Variants in DNAJC3 observed in about 807,000 individuals in gnomAD.
DNAJC3 encodes DnaJ heat shock protein family (Hsp40) member C3, also known as dnaJ homolog subfamily C member 3.
A neutral mutation model predicts 68.6 loss-of-function variants in DNAJC3; 38 were observed. That is an observed-to-expected ratio of 0.55 (90% CI 0.43 to 0.73). The LOEUF is 0.73. DNAJC3 is among the 30% of genes least tolerant of loss of function. DNAJC3 has a pLI of 0.00. For missense variants in DNAJC3, 526 were observed against 591.9 expected (o/e 0.89, Z 1.16); for synonymous variants, 203 against 204.0 (o/e 1.00, Z 0.04).
At chr13:95,717,829 C>G (rs1881201297) in intron 2 of DNAJC3, among the ~76,000 whole-genome samples, 1 of 152,176 alleles carries the variant, frequency 6.6e-6, no homozygotes, top group South Asian at 2.1e-4. Context: ...CATTAAACCT[C>G]TTTTTTTAAA....
intron 1 of DNAJC3, among the ~76,000 whole-genome samples, chr13:95,700,754 T>C (rs569531061): frequency 6.6e-6 from 1 of 152,328 alleles, no homozygotes; most frequent in Admixed American, 6.5e-5. Flanking sequence ...CCTGTTGATA[T>C]AAGTCATGTG....
chr13:95,735,171 T>C (rs1359733430), intron 4 of DNAJC3, among the ~76,000 whole-genome samples: 4 of 145,616 alleles, frequency 2.7e-5, no homozygotes, highest in Admixed American at 1.4e-4. Flanking sequence ...TATGGCTGCA[T>C]AGTATTCCAT....
chr13:95,760,778 A>C lies in DNAJC3; in HGVS notation c.828A>C (p.Glu276Asp). The C allele has an allele frequency of 6.2e-7, 1 of 1,612,076 alleles. No homozygotes were observed. Among genetic ancestry groups the C allele is most frequent in the Non-Finnish European group, 8.5e-7 (1 of 1,178,998 alleles). ...KKLNKLIESA[E>D]ELIRDGRYTD... ...TTAATAAGCTGATTGAGTCAGCTGA[A>C]GAGCTCATCAGAGATGGCAGGTGAG... The change falls in exon 7 of 12, where the codon GAA (glutamate) becomes GAC (aspartate). Residue 276 changes from glutamate (E) to aspartate (D), a missense_variant. By Grantham distance (45) the Glu-to-Asp change is conservative (BLOSUM62 2). Coordinates refer to ENST00000602402, the MANE Select transcript of DNAJC3 (RefSeq NM_006260.5).
At chr13:95,707,955 G>T (rs1880812970) in intron 1 of DNAJC3, among the ~76,000 whole-genome samples, 1 of 152,192 alleles carries the variant, frequency 6.6e-6, no homozygotes, top group African/African-American at 2.4e-5. Flanking sequence ...TGGTTAGCCT[G>T]TCTACGAAGG....
At chr13:95,724,155 C>T (rs996715991) in intron 3 of DNAJC3, among the ~76,000 whole-genome samples, 2 of 152,142 alleles carry the variant, frequency 1.3e-5, no homozygotes, top group African/African-American at 4.8e-5. Context: ...ATTTATCTTA[C>T]ACAGCTAAGC....
Position 95,760,026 on chromosome 13 carries a change from T to C in DNAJC3, c.547-14T>C. 6.4e-7 allele frequency: 1 copy of C among 1,561,272 alleles called. No homozygotes were observed. The highest frequency in any genetic ancestry group is 8.7e-7 in the Non-Finnish European group (1 of 1,154,724). ...TTTATTCTTTCTTAAAGTCTAGTTC[T>C]TTTGTTCCTCAAGGTTTGTGTTTGG... On this transcript the variant is annotated splice_polypyrimidine_tract_variant and intron_variant, in intron 5 of 11. Transcript: ENST00000602402.
intron 9 of DNAJC3, among the ~76,000 whole-genome samples, chr13:95,768,087 A>G (rs1018956174): frequency 2.0e-5 from 3 of 151,848 alleles, no homozygotes; most frequent in Non-Finnish European, 4.4e-5. Context: ...GTTTTGATTT[A>G]TATTTCCCTA....
chr13:95,685,630 A>C (rs1320477158), intron 1 of DNAJC3, among the ~76,000 whole-genome samples: 1 of 152,054 alleles, frequency 6.6e-6, no homozygotes, highest in Non-Finnish European at 1.5e-5. Context: ...GCCCCACCCA[A>C]ATCTTATGTT....
In DNAJC3 at chr13:95,704,851, G is replaced by GTTTTTTTTTTTTTTT. The variant is rs1193979630; in HGVS notation, c.83-4372_83-4358dup. 1.7e-3 allele frequency among the ~76,000 whole-genome samples: 163 copies of GTTTTTTTTTTTTTTT among 97,820 alleles called. 15 individuals carry two copies. The highest frequency in any genetic ancestry group is 3.4e-3 in the Admixed American group (34 of 9,920). The allele number at this position is 97,820 out of a possible 152,430, so 64.2% of individuals were successfully genotyped here. On this transcript the variant is annotated intron_variant, in intron 1 of 11. Transcript: ENST00000602402. ...AGAAAGGACTAATCTGTGTGTGTGT[G>GTTTTTTTTTTTTTTT]TTTTTTTTTTTTTTTTTTGAGACAG...
chr13:95,751,775 G>C (rs1362972792), intron 4 of DNAJC3, among the ~76,000 whole-genome samples: 2 of 152,196 alleles, frequency 1.3e-5, no homozygotes. Context: ...ATAAAGGAAA[G>C]AGGTTTAATA....
intron 1 of DNAJC3, among the ~76,000 whole-genome samples, chr13:95,682,319 C>T (rs1263092152): frequency 6.6e-6 from 1 of 151,976 alleles, no homozygotes; most frequent in Non-Finnish European, 1.5e-5. Flanking sequence ...GTGCTCCAAC[C>T]TGAATAACCA....
chr13:95,701,523 C>A (rs1880586147), intron 1 of DNAJC3, among the ~76,000 whole-genome samples: 1 of 152,218 alleles, frequency 6.6e-6, no homozygotes, highest in East Asian at 1.9e-4. Context: ...CCATCACCCT[C>A]CACTTCCTTT....
At chr13:95,786,865 C>A in intron 10 of DNAJC3, 142 bp from the exon 11 acceptor site, 2 of 948,434 alleles carry the variant, frequency 2.1e-6, no homozygotes, top group Non-Finnish European at 3.1e-6. Flanking sequence ...GTATGCAGAT[C>A]TTTGGCCTGT....
intron 4 of DNAJC3, among the ~76,000 whole-genome samples, chr13:95,752,250 G>A (rs1882502498): frequency 1.3e-5 from 2 of 151,962 alleles, no homozygotes; most frequent in Admixed American, 1.3e-4. Context: ...TTTGTTTATC[G>A]GTATTTACTA....
chr13:95,717,240 A>G (rs570236025), intron 2 of DNAJC3, among the ~76,000 whole-genome samples: 1 of 152,360 alleles, frequency 6.6e-6, no homozygotes, highest in South Asian at 2.1e-4. Context: ...GAAAACTAGC[A>G]CAACCCTTAC....
Position 95,709,408 on chromosome 13 carries a change from AT to A in DNAJC3, c.193+72del, listed in dbSNP as rs1174982514. On this transcript the variant is annotated intron_variant, in intron 2 of 11. Coordinates refer to ENST00000602402, the MANE Select transcript of DNAJC3 (RefSeq NM_006260.5). ...TCTAGTAATAGCTCTTTTTTTAAAA[AT>A]AACATTTAAAATAAACATTATTTCA... is the stretch of plus-strand genomic sequence containing the variant. 5.7e-5 allele frequency: 61 copies of A among 1,061,450 alleles called. 1 individual carries two copies. Among genetic ancestry groups the A allele is most frequent in the Non-Finnish European group, 7.8e-5 (58 of 743,960 alleles). The allele number at this position is 1,061,450 out of a possible 1,614,324, so 65.8% of individuals were successfully genotyped here. A position where few individuals can be genotyped will look rare whatever the true frequency, so the allele number is the denominator to read the frequency against.
At chr13:95,734,933 A>G (rs1881849082) in intron 4 of DNAJC3, among the ~76,000 whole-genome samples, 1 of 145,956 alleles carries the variant, frequency 6.9e-6, no homozygotes, top group Non-Finnish European at 1.5e-5. Context: ...CTCGTCATCT[A>G]GCATTAGGTA....
intron 2 of DNAJC3, among the ~76,000 whole-genome samples, chr13:95,715,424 A>G (rs936285834): frequency 6.6e-6 from 1 of 152,048 alleles, no homozygotes. Context: ...CATTTTGTTC[A>G]ATGTGATCTG....
At chr13:95,681,465 C>T (rs1879908208) in intron 1 of DNAJC3, among the ~76,000 whole-genome samples, 1 of 152,182 alleles carries the variant, frequency 6.6e-6, no homozygotes, top group Non-Finnish European at 1.5e-5. Context: ...GTCCTCCCAT[C>T]TCAGCCTCCT....
Sources: allele counts gnomAD v4.1 joint callset (sites outside exome capture counted in the v4.1 genomes callset), GRCh38; gene constraint gnomAD v4.1.1; transcripts MANE v1.5; gene names NCBI Gene and HGNC (gene_info 2026-07-23, HGNC 2026-07-21).